The following DLGAP4 variants were observed in gnomAD, a reference collection of about 807,000 sequenced individuals.
The protein encoded by DLGAP4 is disks large-associated protein 4.
DLGAP4 carries 18 observed loss-of-function variants against 86.9 expected under a neutral mutation model. The ratio of observed to expected loss-of-function variants is 0.21; its 90% CI spans 0.14 to 0.31. The LOEUF (loss-of-function observed/expected upper bound fraction) is 0.31. DLGAP4 is among the 10% of genes least tolerant of loss of function. DLGAP4 has a pLI of 1.00. For missense variants in DLGAP4, 1,085 were observed against 1,362.6 expected, an observed-to-expected ratio of 0.80 and a Z score of 3.21; for synonymous variants, 548 against 574.3, an observed-to-expected ratio of 0.95 and a Z score of 0.65.
Position 36,432,528 on chromosome 20 carries a change from C to T in DLGAP4, c.811C>T (p.Pro271Ser). 1 of 1,609,588 alleles carries T rather than the reference C, an allele frequency of 6.2e-7. No individual in the cohort carries two copies. ...TTELTAPPPP[P>S]APPATCPSLG... Reference sequence around the variant, plus strand: ...TGAGCTGACTGCCCCACCACCCCCGCCCGCACCCCCAGCCACCTGCCCCAG... The same window carrying T: ...TGAGCTGACTGCCCCACCACCCCCGTCCGCACCCCCAGCCACCTGCCCCAG... The change falls in exon 3 of 13, where the codon CCC becomes TCC. Residue 271 changes from proline to serine, a missense_variant. Around this residue, in one of 2 missense-constraint regions of DLGAP4, gnomAD observed 1,082 missense variants for 1,344.1 expected, o/e 0.81. Transcript: ENST00000339266. The surrounding 1 kb of genome is among the most constrained non-coding windows in gnomAD (Gnocchi z 6.5).
chr20:36,341,689 C>T (rs1044155235), intron 1 of DLGAP4, among the ~76,000 whole-genome samples: 3 of 152,238 alleles, frequency 2.0e-5, no homozygotes, highest in Admixed American at 2.0e-4. Context: ...GGGCTGCCAC[C>T]CCCTCAGTCC....
intron 2 of DLGAP4, among the ~76,000 whole-genome samples, chr20:36,418,715 T>C (rs1429737663): frequency 3.9e-5 from 6 of 152,074 alleles, no homozygotes; most frequent in Admixed American, 6.6e-5. Context: ...ACTGTCAGGA[T>C]GGGCCTGGGA....
At chr20:36,386,644 G>T (rs2031608246) in intron 2 of DLGAP4, among the ~76,000 whole-genome samples, 1 of 152,142 alleles carries the variant, frequency 6.6e-6, no homozygotes, top group Non-Finnish European at 1.5e-5. Context: ...GAGTGCAGTG[G>T]TGCAATCATA....
chr20:36,343,146 C>T (rs185343957), intron 1 of DLGAP4, among the ~76,000 whole-genome samples: 115 of 152,308 alleles, frequency 7.6e-4, no homozygotes, highest in Non-Finnish European at 1.5e-3. Flanking sequence ...GCCGGCAGCT[C>T]ACCGGCTCAC....
intron 3 of DLGAP4, among the ~76,000 whole-genome samples, 179 bp from the exon 4 acceptor site, chr20:36,435,930 C>G (rs554143713): frequency 6.6e-6 from 1 of 152,154 alleles, no homozygotes; most frequent in Non-Finnish European, 1.5e-5. Flanking sequence ...TCTGGAACCC[C>G]GGTATTCCTC....
intron 7 of DLGAP4, among the ~76,000 whole-genome samples, chr20:36,486,779 T>C (rs2035435564): frequency 6.6e-6 from 1 of 151,842 alleles, no homozygotes; most frequent in Admixed American, 6.6e-5. Context: ...CCCGGCCAAT[T>C]TTTTGTATTT....
intron 2 of DLGAP4, among the ~76,000 whole-genome samples, chr20:36,396,578 TACACACACCAG>T (rs1452901033): frequency 2.4e-4 from 4 of 16,472 alleles, no homozygotes; most frequent in Non-Finnish European, 6.4e-4. Context: ...ACACACCACA[TACACACACCAG>T]ACACACACAC....
At chr20:36,462,538 T>A (rs2034140768) in intron 7 of DLGAP4, 1 of 1,601,426 alleles carries the variant, frequency 6.2e-7, no homozygotes, top group African/African-American at 1.4e-5. Flanking sequence ...CTTTGCCGGG[T>A]CTCTGGGTCT....
chr20:36,516,911 T>C (rs922587404), intron 10 of DLGAP4, among the ~76,000 whole-genome samples: 2 of 151,866 alleles, frequency 1.3e-5, no homozygotes, highest in African/African-American at 2.4e-5. Flanking sequence ...GGCAACATAA[T>C]GAAACCCCAC....
chr20:36,518,674 A>G (rs1422537554), intron 10 of DLGAP4, among the ~76,000 whole-genome samples: 4 of 152,132 alleles, frequency 2.6e-5, no homozygotes, highest in Non-Finnish European at 5.9e-5. Context: ...ACCTATTTAT[A>G]TTAATGTCAA....
intron 1 of DLGAP4, among the ~76,000 whole-genome samples, chr20:36,351,872 G>C (rs1398129623): frequency 6.6e-6 from 1 of 152,152 alleles, no homozygotes; most frequent in African/African-American, 2.4e-5. Flanking sequence ...TCCCCACCTG[G>C]AGCTCGCTTT....
At chr20:36,394,883 C>T (rs1246118664) in intron 2 of DLGAP4, among the ~76,000 whole-genome samples, 1 of 152,176 alleles carries the variant, frequency 6.6e-6, no homozygotes, top group Non-Finnish European at 1.5e-5. Context: ...ATGCCACTGC[C>T]TGGGCGGGCA....
chr20:36,517,981 T>C (rs949322326), intron 10 of DLGAP4, among the ~76,000 whole-genome samples: 26 of 152,282 alleles, frequency 1.7e-4, no homozygotes, highest in Admixed American at 2.6e-4. Context: ...ATCCTGCACT[T>C]TGGGAGGCCA....
intron 7 of DLGAP4, among the ~76,000 whole-genome samples, chr20:36,472,621 T>C (rs1336894186): frequency 6.6e-6 from 1 of 151,934 alleles, no homozygotes; most frequent in East Asian, 1.9e-4. Context: ...ACTTGACAGG[T>C]CTCAGCTCAC....
chr20:36,459,610 TA>T (rs2033969267), intron 7 of DLGAP4, among the ~76,000 whole-genome samples: 1 of 152,116 alleles, frequency 6.6e-6, no homozygotes, highest in Non-Finnish European at 1.5e-5. Flanking sequence ...TTTAATTAAT[TA>T]ATTAATTTTT....
intron 2 of DLGAP4, among the ~76,000 whole-genome samples, chr20:36,413,607 G>A (rs4810472): frequency 0.58 from 86,819 of 149,904 alleles, 25,243 homozygotes; most frequent in Middle Eastern, 0.65. Flanking sequence ...TTTTAGTAGA[G>A]GTGGGGTTTC....
chr20:36,472,097 C>CT lies in DLGAP4; in HGVS notation c.1649-24607dup, dbSNP rs34324700. On this transcript the variant is annotated intron_variant, in intron 7 of 12. Transcript: ENST00000339266. ...AAGCCAGCAGGATGGCCCAAAAAGGCTCCCCCAGCAGATCATCTTTGCAGC... is the reference window on the plus strand; with the variant it reads ...AAGCCAGCAGGATGGCCCAAAAAGGCTTCCCCCAGCAGATCATCTTTGCAGC... 5.4e-3 allele frequency among the ~76,000 whole-genome samples: 818 copies of CT among 152,256 alleles called. 5 individuals are homozygous for CT. The highest frequency in any genetic ancestry group is 0.019 in the African/African-American group (785 of 41,532).
intron 2 of DLGAP4, among the ~76,000 whole-genome samples, chr20:36,419,903 G>T (rs1247396125): frequency 2.0e-5 from 3 of 152,246 alleles, no homozygotes; most frequent in Non-Finnish European, 2.9e-5. Context: ...GTGTACACAA[G>T]GATGGGACTT....
intron 2 of DLGAP4, among the ~76,000 whole-genome samples, chr20:36,385,428 C>T (rs1211575860): frequency 6.6e-6 from 1 of 152,128 alleles, no homozygotes; most frequent in African/African-American, 2.4e-5. Context: ...AAATAAGACC[C>T]AGAGGAGGGA....
Sources: gnomAD v4.1 joint callset for allele counts (sites outside exome capture counted in the v4.1 genomes callset) on GRCh38, gnomAD v4.1.1 for gene constraint, gnomAD v4.1.1 regional missense constraint, Gnocchi (gnomAD v3.1) non-coding constraint, MANE v1.5 for transcripts, NCBI Gene and HGNC (gene_info 2026-07-23, HGNC 2026-07-21) for gene names.